ATRX: variants seen among roughly 807,000 people sequenced by gnomAD.
ATRX encodes chromatin remodeler ATRX.
A neutral mutation model predicts 172.6 loss-of-function variants in ATRX; 12 were observed. The observed-to-expected ratio is 0.07, with a 90% CI of 0.04 to 0.11. ATRX has a LOEUF of 0.11. Ranked by LOEUF, ATRX falls within the 10% of genes least tolerant of loss-of-function variation. ATRX has a pLI of 1.00. For missense variants in ATRX, 1,368 were observed against 1,767.4 expected (o/e 0.77, Z 4.05); for synonymous variants, 674 against 594.7 (o/e 1.13, Z -1.94).
intron 22 of ATRX, among the ~76,000 whole-genome samples, chrX:77,611,927 TTAAAG>T (rs1224573970): frequency 2.1e-4 from 23 of 111,720 alleles, no homozygotes; most frequent in Non-Finnish European, 1.9e-4. Flanking sequence ...AAATGAAACT[TTAAAG>T]TATTTTTCTG....
At chrX:77,729,778 T>C (rs1041946854) in intron 1 of ATRX, among the ~76,000 whole-genome samples, 6 of 110,323 alleles carry the variant, frequency 5.4e-5, no homozygotes, top group African/African-American at 2.0e-4. Flanking sequence ...CTACTAAAAA[T>C]ACAAAAAACT....
Position 77,690,283 on chromosome X carries a change from G to T in ATRX, c.485-1356C>A, listed in dbSNP as rs981917939. On this transcript the variant is annotated intron_variant, in intron 6 of 34. Transcript: ENST00000373344. Reference sequence around the variant, plus strand: ...GGGTCTCACTGTGTTGCCCAGGCTGGTCTCCAACTCCTGGGCTCAAGCAAT... The same window carrying T: ...GGGTCTCACTGTGTTGCCCAGGCTGTTCTCCAACTCCTGGGCTCAAGCAAT... 2.7e-5 allele frequency among the ~76,000 whole-genome samples: 3 copies of T among 110,840 alleles called. No homozygotes were observed. In the South Asian group the frequency reaches 1.2e-3, roughly 43 times the overall value.
At chrX:77,600,675 A>C (rs2066641044) in intron 22 of ATRX, 111 bp from the exon 23 acceptor site, 3 of 830,905 alleles carry the variant, frequency 3.6e-6, no homozygotes, top group East Asian at 3.2e-5. Context: ...CAGTGTAGAG[A>C]AGCTTATAAA....
intron 9 of ATRX, among the ~76,000 whole-genome samples, chrX:77,677,006 C>A (rs1187265964): frequency 1.8e-5 from 2 of 109,814 alleles, no homozygotes; most frequent in Non-Finnish European, 3.8e-5. Flanking sequence ...CCTGTAATCC[C>A]AGCTACTAGG....
intron 1 of ATRX, among the ~76,000 whole-genome samples, chrX:77,738,341 A>AT (rs1416792173): frequency 9.4e-6 from 1 of 106,782 alleles, no homozygotes; most frequent in Non-Finnish European, 1.9e-5. Context: ...TCTCCAAAAA[A>AT]AAAAAAAACA....
intron 2 of ATRX, among the ~76,000 whole-genome samples, chrX:77,712,044 C>T (rs927677151): frequency 2.6e-4 from 29 of 111,872 alleles, no homozygotes; most frequent in Non-Finnish European, 4.5e-4. Flanking sequence ...CATTCTGTGG[C>T]TCTTTTCTAG....
At chrX:77,700,115 T>C (rs1557152594) in intron 2 of ATRX, among the ~76,000 whole-genome samples, 1 of 110,274 alleles carries the variant, frequency 9.1e-6, no homozygotes, top group Non-Finnish European at 1.9e-5. Context: ...TTATCCAAAC[T>C]ATACAAAGAA....
intron 1 of ATRX, among the ~76,000 whole-genome samples, chrX:77,729,928 C>A (rs2074227561): frequency 8.9e-6 from 1 of 111,822 alleles, no homozygotes; most frequent in South Asian, 3.7e-4. Flanking sequence ...CAGAGCAAGA[C>A]CGTCTCGGAA....
At chrX:77,564,064 C>A (rs952936669) in intron 28 of ATRX, among the ~76,000 whole-genome samples, 1 of 111,526 alleles carries the variant, frequency 9.0e-6, no homozygotes, top group Non-Finnish European at 1.9e-5. Context: ...ATGATGCCCA[C>A]TCACACTGAT....
intron 22 of ATRX, among the ~76,000 whole-genome samples, chrX:77,609,328 A>C (rs1167203135): frequency 1.8e-5 from 2 of 112,025 alleles, no homozygotes; most frequent in African/African-American, 6.5e-5. Flanking sequence ...TTTGGAAGCA[A>C]CCCAAAGTTT....
chrX:77,698,743 G>A, intron 2 of ATRX, 114 bp from the exon 3 acceptor site: 1 of 569,641 alleles, frequency 1.8e-6, no homozygotes, highest in African/African-American at 2.2e-5. Flanking sequence ...TGGCAGTATT[G>A]TTAACATACT....
rs1185095744 is a variant in ATRX, at chrX:77,521,145, A to C, written c.7072-229T>G. 14 of 434,014 alleles carry C rather than the reference A, an allele frequency of 3.2e-5. No homozygotes were observed. In the Admixed American group the frequency reaches 3.3e-4, roughly 10 times the overall value. The allele number at this position is 434,014 out of a possible 1,213,427, so 35.8% of individuals were successfully genotyped here. A position where few individuals can be genotyped will look rare whatever the true frequency, so the allele number is the denominator to read the frequency against. On this transcript the variant is annotated intron_variant, in intron 33 of 34. Coordinates refer to ENST00000373344, the MANE Select transcript of ATRX (RefSeq NM_000489.6). ...TTTAGATTTAATTTGTACAACTGGT[A>C]ATTAAAATGTTTATATAAACAATGC...
At chrX:77,603,369 CT>C (rs1259586472) in intron 22 of ATRX, among the ~76,000 whole-genome samples, 26 of 103,522 alleles carry the variant, frequency 2.5e-4, no homozygotes, top group South Asian at 8.5e-4. Context: ...TAATATAATT[CT>C]TTTTTTTTTT....
intron 22 of ATRX, among the ~76,000 whole-genome samples, chrX:77,607,531 T>G (rs1451449597): frequency 1.8e-5 from 2 of 109,711 alleles, no homozygotes; most frequent in Non-Finnish European, 3.8e-5. Flanking sequence ...CTGGCCAACA[T>G]GACAAAACCC....
rs2147748646 is a variant in ATRX, at chrX:77,522,293, G to A, written c.6945C>T (p.Ala2315=). 8.3e-7 allele frequency: 1 copy of A among 1,210,464 alleles called. No individual in the cohort carries two copies. The highest frequency in any genetic ancestry group is 1.1e-6 in the Non-Finnish European group (1 of 894,680). Residue 2315 remains alanine (A), a synonymous_variant, in exon 32 of 35, where the codon GCC becomes GCT. Coordinates refer to ENST00000373344, the MANE Select transcript of ATRX (RefSeq NM_000489.6). ...GCTGTTGATTACTCATTGCTGACAG[G>A]GCTCCCAAATTGAAAGGAATATAAG... ...QTPYIPFNLG[A]LSAMSNQQLE...
intron 30 of ATRX, among the ~76,000 whole-genome samples, chrX:77,523,762 G>A (rs1557042648): frequency 9.0e-6 from 1 of 111,505 alleles, no homozygotes; most frequent in African/African-American, 3.3e-5. Flanking sequence ...TTGGATGCCT[G>A]TGCTAGAAAT....
intron 30 of ATRX, among the ~76,000 whole-genome samples, chrX:77,552,526 G>C (rs898757620): frequency 1.0e-4 from 11 of 108,881 alleles, no homozygotes; most frequent in Middle Eastern, 4.6e-3. Flanking sequence ...ACGAGTTAAT[G>C]GGTGCAGCAC....
chrX:77,587,358 A>G (rs782550364), intron 27 of ATRX, among the ~76,000 whole-genome samples: 4 of 108,637 alleles, frequency 3.7e-5, no homozygotes, highest in Admixed American at 9.8e-5. Flanking sequence ...TAGAATGGGG[A>G]AAAAAAAAAC....
chrX:77,647,383 C>A (rs147071439), intron 15 of ATRX, among the ~76,000 whole-genome samples: 4,144 of 111,440 alleles, frequency 0.037, 113 homozygotes, highest in African/African-American at 0.1. Context: ...AAACTAAACC[C>A]TAGCTAGAGA....
Sources: gnomAD v4.1 joint callset for allele counts (sites outside exome capture counted in the v4.1 genomes callset) on GRCh38, gnomAD v4.1.1 for gene constraint, MANE v1.5 for transcripts, NCBI Gene and HGNC (gene_info 2026-07-23, HGNC 2026-07-21) for gene names.